MAD1L1: variants seen among roughly 807,000 people sequenced by gnomAD.
MAD1L1 encodes the protein mitotic spindle assembly checkpoint protein MAD1.
Under a neutral mutation model 96.9 loss-of-function variants are expected in MAD1L1, and 95 were observed. The observed-to-expected ratio is 0.98, with a 90% CI of 0.83 to 1.16. The LOEUF is 1.16. MAD1L1 is among the 50% of genes most tolerant of loss of function. MAD1L1 has a pLI of 0.00. For missense variants in MAD1L1, 1,007 were observed against 954.4 expected (o/e 1.06, Z -0.73); for synonymous variants, 473 against 396.6 (o/e 1.19, Z -2.29).
chr7:2,136,877 A>G (rs918138337), intron 11 of MAD1L1, among the ~76,000 whole-genome samples: 2 of 152,242 alleles, frequency 1.3e-5, no homozygotes, highest in Non-Finnish European at 2.9e-5. Context: ...AAGGCTAAGA[A>G]GGAAGCTCTT....
chr7:2,190,321 G>A (rs2128606214), intron 10 of MAD1L1, among the ~76,000 whole-genome samples: 1 of 152,168 alleles, frequency 6.6e-6, no homozygotes, highest in East Asian at 1.9e-4. Flanking sequence ...CGTATTGTGG[G>A]GCAGGAAAGC....
intron 18 of MAD1L1, among the ~76,000 whole-genome samples, chr7:1,868,190 T>TGGAC (rs1249806485): frequency 6.6e-6 from 1 of 151,888 alleles, no homozygotes; most frequent in African/African-American, 2.4e-5. Context: ...GCCCCTGGGG[T>TGGAC]GGACAATTTG....
intron 17 of MAD1L1, among the ~76,000 whole-genome samples, chr7:1,914,361 C>T (rs965288422): frequency 1.3e-5 from 2 of 152,196 alleles, no homozygotes; most frequent in African/African-American, 2.4e-5. Context: ...CCTGGTGGCC[C>T]GCTACAATCA....
chr7:1,827,666 C>T (rs1242831332), intron 18 of MAD1L1, among the ~76,000 whole-genome samples: 1 of 98,482 alleles, frequency 1.0e-5, no homozygotes, highest in African/African-American at 3.9e-5. Context: ...GAGCCCGGCC[C>T]GGGTGTGGGG....
In MAD1L1 at chr7:2,039,743, A is replaced by G. The variant is rs374273990; in HGVS notation, c.1219-25101T>C. Among the ~76,000 whole-genome samples the G allele has an allele frequency of 6.7e-4, 102 of 152,252 alleles. 2 individuals are homozygous for G. In the South Asian group the frequency reaches 0.021, roughly 31 times the overall value. The stretch of plus-strand genomic sequence containing the variant: ...ATTACTGAGTTTTGAGAGTTTTCTC[A>G]TCTATTACAGATAACAAATCGTCTT... On this transcript the variant is annotated intron_variant, in intron 12 of 18. Coordinates refer to ENST00000265854, the MANE Select transcript of MAD1L1 (RefSeq NM_001013836.2).
At chr7:1,916,150 C>T (rs1055013950) in intron 17 of MAD1L1, among the ~76,000 whole-genome samples, 11 of 152,170 alleles carry the variant, frequency 7.2e-5, no homozygotes, top group African/African-American at 1.4e-4. Flanking sequence ...CCACCAACAC[C>T]GGGAGGGTGT....
chr7:2,121,279 G>A (rs889361187), intron 11 of MAD1L1, among the ~76,000 whole-genome samples: 6 of 152,224 alleles, frequency 3.9e-5, no homozygotes, highest in Non-Finnish European at 7.3e-5. Context: ...CGGCTCCTCC[G>A]CCTCTCCCAA....
intron 15 of MAD1L1, among the ~76,000 whole-genome samples, chr7:1,965,800 C>T (rs904307728): frequency 3.3e-5 from 5 of 152,274 alleles, no homozygotes; most frequent in African/African-American, 7.2e-5. Flanking sequence ...CCTGCAGGGC[C>T]GGGCGTGGGC....
chr7:1,930,605 G>A lies in MAD1L1; in HGVS notation c.1807+6082C>T, dbSNP rs572492725. 3.2e-4 allele frequency among the ~76,000 whole-genome samples: 42 copies of A among 132,876 alleles called. 2 individuals are homozygous for A. The South Asian group carries it at 0.01, about 32-fold the overall frequency. The allele number at this position is 132,876 out of a possible 152,430, so 87.2% of individuals were successfully genotyped here. ...GTCCCCTCGCCCACCCCACTGCCACGTGTCCCCTTGCTTCGTCCCACCGTC... is the reference window on the plus strand; with the variant it reads ...GTCCCCTCGCCCACCCCACTGCCACATGTCCCCTTGCTTCGTCCCACCGTC... On this transcript the variant is annotated intron_variant, in intron 17 of 18. Transcript: ENST00000265854.
chr7:2,014,176 G>A (rs1782425945), intron 13 of MAD1L1, among the ~76,000 whole-genome samples: 1 of 152,174 alleles, frequency 6.6e-6, no homozygotes, highest in Non-Finnish European at 1.5e-5. Flanking sequence ...CCCCTCACAG[G>A]GGAAGGACCT....
intron 11 of MAD1L1, among the ~76,000 whole-genome samples, chr7:2,148,870 G>A (rs895989812): frequency 2.0e-5 from 3 of 152,286 alleles, no homozygotes; most frequent in Middle Eastern, 3.4e-3. Flanking sequence ...CTGATCCAAG[G>A]AGGGACCCCA....
chr7:2,088,495 C>T lies in MAD1L1; in HGVS notation c.1074-19157G>A, dbSNP rs1368035793. On this transcript the variant is annotated intron_variant, in intron 11 of 18. Transcript: ENST00000265854. This position sits in a 1 kb window ranked among gnomAD's most constrained non-coding sequence, Gnocchi z 4.4. ...CCGCTTGCCTCCAGGGAACACCGCC[C>T]CAGCCTCGAGTGCCACCATGACAGC... Among the ~76,000 whole-genome samples the T allele has an allele frequency of 6.6e-6, 1 of 152,222 alleles. No individual in the cohort carries two copies. The highest frequency in any genetic ancestry group is 1.5e-5 in the Non-Finnish European group (1 of 68,038).
At chr7:2,187,672 A>G (rs1291373834) in intron 10 of MAD1L1, among the ~76,000 whole-genome samples, 1 of 152,214 alleles carries the variant, frequency 6.6e-6, no homozygotes, top group African/African-American at 2.4e-5. Context: ...ATAAGATCTC[A>G]ACATTCTGTG....
At chr7:1,818,019 A>C (rs1001835945) in intron 18 of MAD1L1, among the ~76,000 whole-genome samples, 6 of 151,698 alleles carry the variant, frequency 4.0e-5, no homozygotes, top group Non-Finnish European at 7.4e-5. Context: ...GCCTTAGTAC[A>C]TTTGGCCTTG....
At chr7:1,946,674 T>C (rs1214445554) in intron 16 of MAD1L1, among the ~76,000 whole-genome samples, 1 of 152,178 alleles carries the variant, frequency 6.6e-6, no homozygotes, top group Admixed American at 6.5e-5. Context: ...AGCGGGAGAA[T>C]GCTGGGACGG....
chr7:1,868,012 C>T (rs1360781120), intron 18 of MAD1L1, among the ~76,000 whole-genome samples: 2 of 152,210 alleles, frequency 1.3e-5, no homozygotes, highest in Middle Eastern at 3.2e-3. Context: ...CAGTGCCCTG[C>T]CCTGCCCCAC....
At chr7:1,890,253 A>G (rs1019990971) in intron 18 of MAD1L1, among the ~76,000 whole-genome samples, 6 of 152,196 alleles carry the variant, frequency 3.9e-5, no homozygotes, top group African/African-American at 7.2e-5. Flanking sequence ...GGGATCCCCA[A>G]TGTTGGAAGT....
chr7:1,953,165 C>T (rs1014719212), intron 16 of MAD1L1, among the ~76,000 whole-genome samples: 11 of 152,160 alleles, frequency 7.2e-5, no homozygotes, highest in South Asian at 4.1e-4. Flanking sequence ...CCCAGGGACA[C>T]GGACCAGGGA....
intron 18 of MAD1L1, among the ~76,000 whole-genome samples, chr7:1,850,936 G>A (rs1783937190): frequency 6.6e-6 from 1 of 152,202 alleles, no homozygotes; most frequent in South Asian, 2.1e-4. Context: ...CCGGGCATCA[G>A]AGAGCAGGAA....
Sources: allele counts gnomAD v4.1 joint callset (sites outside exome capture counted in the v4.1 genomes callset), GRCh38; gene constraint gnomAD v4.1.1; non-coding constraint Gnocchi (gnomAD v3.1); transcripts MANE v1.5; gene names NCBI Gene and HGNC (gene_info 2026-07-23, HGNC 2026-07-21).